The following LRBA variants were observed in gnomAD, a reference collection of about 807,000 sequenced individuals.
LRBA encodes LPS responsive beige-like anchor protein.
Under a neutral mutation model 330.0 loss-of-function variants are expected in LRBA, and 176 were observed. The observed-to-expected ratio is 0.53, with a 90% CI of 0.47 to 0.60. The LOEUF (loss-of-function observed/expected upper bound fraction) is 0.60. Ranked by LOEUF, LRBA falls within the 20% of genes least tolerant of loss-of-function variation. The probability of loss-of-function intolerance (pLI) is 0.00; values close to 1 mark genes in which losing one functional copy is unlikely to be tolerated. For synonymous variants in LRBA, 1,230 were observed against 1,193.0 expected, an observed-to-expected ratio of 1.03 and a Z score of -0.64; for missense variants, 3,259 against 3,444.8, an observed-to-expected ratio of 0.95 and a Z score of 1.35.
At position 150,817,115 on chromosome 4, in the gene LRBA, C is replaced by T. The variant is rs375870356; in HGVS notation, c.5305+9G>A. On this transcript the variant is annotated intron_variant, in intron 31 of 56. Coordinates refer to ENST00000651943, the MANE Select transcript of LRBA (RefSeq NM_001364905.1). Reference sequence around the variant, plus strand: ...ACATTTTTGTTGAAATCACTGATAACTAACTCACCTGGTGATTCTCCTCCC... The same window carrying T: ...ACATTTTTGTTGAAATCACTGATAATTAACTCACCTGGTGATTCTCCTCCC... The T allele has an allele frequency of 4.0e-5, 65 of 1,609,154 alleles. No individual in the cohort carries two copies. The highest frequency in any genetic ancestry group is 6.7e-5 in the African/African-American group (5 of 74,682).
At chr4:150,390,782 G>A (rs182775221) in intron 47 of LRBA, among the ~76,000 whole-genome samples, 1 of 152,202 alleles carries the variant, frequency 6.6e-6, no homozygotes, top group Non-Finnish European at 1.5e-5. Context: ...AGCAAAGGAT[G>A]ACACAGAAAA....
intron 34 of LRBA, among the ~76,000 whole-genome samples, chr4:150,791,710 T>C (rs977004593): frequency 4.6e-5 from 7 of 152,128 alleles, no homozygotes; most frequent in Non-Finnish European, 8.8e-5. Flanking sequence ...GATTTCCTTA[T>C]AGGTGAAAGA....
At chr4:150,481,917 T>G (rs1757344886) in intron 42 of LRBA, among the ~76,000 whole-genome samples, 1 of 152,168 alleles carries the variant, frequency 6.6e-6, no homozygotes, top group South Asian at 2.1e-4. Context: ...TGAATATGTA[T>G]GTTTTCATTA....
intron 48 of LRBA, among the ~76,000 whole-genome samples, chr4:150,342,403 A>G (rs550026456): frequency 6.6e-6 from 1 of 152,332 alleles, no homozygotes; most frequent in East Asian, 1.9e-4. Flanking sequence ...GAGTAAACAG[A>G]TAAAGATAAG....
intron 35 of LRBA, among the ~76,000 whole-genome samples, chr4:150,753,556 C>T (rs953984430): frequency 6.6e-6 from 1 of 152,094 alleles, no homozygotes; most frequent in Non-Finnish European, 1.5e-5. Context: ...AACATCTATA[C>T]AAACATAAGC....
chr4:150,727,841 G>T (rs1277321156), intron 36 of LRBA, among the ~76,000 whole-genome samples: 2 of 152,016 alleles, frequency 1.3e-5, no homozygotes, highest in Admixed American at 6.6e-5. Flanking sequence ...CTCAAAATTA[G>T]TAGAAGAAAA....
At chr4:150,579,819 C>A (rs1241518227) in intron 40 of LRBA, 1 of 434,634 alleles carries the variant, frequency 2.3e-6, no homozygotes, top group Admixed American at 2.5e-5. Flanking sequence ...TGCAAACACT[C>A]ACTCTCGGGA....
chr4:150,956,162 C>T (rs1737529517), intron 2 of LRBA, among the ~76,000 whole-genome samples: 1 of 148,814 alleles, frequency 6.7e-6, no homozygotes. Flanking sequence ...AAAGAGAAGA[C>T]TCAAATTACT....
rs77911994 is a variant in LRBA, at chr4:150,862,230, G to C, written c.2766+5441C>G. On this transcript the variant is annotated intron_variant, in intron 22 of 56. Transcript: ENST00000651943. ...ATGCTGTTATAAAGCACATGCACAC[G>C]TATGTTTATTGCAGCACTATTCACA... Among the ~76,000 whole-genome samples the C allele has an allele frequency of 9.2e-3, 1,396 of 152,278 alleles. 36 individuals carry two copies. The highest frequency in any genetic ancestry group is 0.089 in the East Asian group (460 of 5,182).
Position 150,415,506 on chromosome 4 carries a change from C to T in LRBA, c.7126G>A (p.Val2376Ile), listed in dbSNP as rs1747609046. ...GGAGGAAGTTCGACATCAGACACTA[C>T]TGTCCCATCATCCATCACTCCAAGA... Reference protein sequence around the residue: ...YNLGVMDDGTVVSDVELPPWA... With the variant: ...YNLGVMDDGTIVSDVELPPWA... The change falls in exon 47 of 57, where the codon GTA (valine) becomes ATA (isoleucine). Residue 2376 changes from valine to isoleucine, a missense_variant. By Grantham distance (29) the Val-to-Ile change is conservative (BLOSUM62 3). Coordinates refer to ENST00000651943, the MANE Select transcript of LRBA (RefSeq NM_001364905.1). The T allele has an allele frequency of 1.2e-6, 2 of 1,609,782 alleles. No individual in the cohort carries two copies. Among genetic ancestry groups the T allele is most frequent in the Non-Finnish European group, 8.5e-7 (1 of 1,176,098 alleles).
intron 40 of LRBA, among the ~76,000 whole-genome samples, chr4:150,518,351 A>T (rs1762578519): frequency 6.6e-6 from 1 of 152,174 alleles, no homozygotes; most frequent in South Asian, 2.1e-4. Context: ...AATGGTGCAC[A>T]ATATAAAACA....
intron 46 of LRBA, among the ~76,000 whole-genome samples, chr4:150,418,019 GTTTT>G (rs201449584): frequency 7.6e-6 from 1 of 132,338 alleles, no homozygotes; most frequent in Admixed American, 7.6e-5. Flanking sequence ...TTGGTTTTTT[GTTTT>G]TTTTTTTTTT....
intron 47 of LRBA, among the ~76,000 whole-genome samples, chr4:150,377,970 C>CAAAA (rs5862918): frequency 7.6e-6 from 1 of 131,020 alleles, no homozygotes; most frequent in Non-Finnish European, 1.6e-5. Context: ...GACTCTGTCT[C>CAAAA]AAAAAAAAAA....
At chr4:150,307,943 T>C (rs1730573095) in intron 52 of LRBA, among the ~76,000 whole-genome samples, 1 of 152,218 alleles carries the variant, frequency 6.6e-6, no homozygotes, top group African/African-American at 2.4e-5. Context: ...CAATTCCATA[T>C]AACAAACAAT....
chr4:150,399,635 G>T (rs560809320), intron 47 of LRBA, among the ~76,000 whole-genome samples: 14 of 152,244 alleles, frequency 9.2e-5, no homozygotes, highest in African/African-American at 3.4e-4. Flanking sequence ...GGCGGACTCT[G>T]TTGGCGTGGT....
intron 37 of LRBA, among the ~76,000 whole-genome samples, chr4:150,650,525 T>C (rs1466963563): frequency 6.6e-6 from 1 of 152,038 alleles, no homozygotes; most frequent in African/African-American, 2.4e-5. Flanking sequence ...AACTCAAAAC[T>C]GAAAAGCATT....
At chr4:150,445,373 C>T (rs1284227763) in intron 44 of LRBA, among the ~76,000 whole-genome samples, 1 of 83,984 alleles carries the variant, frequency 1.2e-5, no homozygotes, top group Non-Finnish European at 2.4e-5. Context: ...CTCTCTCTCT[C>T]TCTCTATATA....
chr4:150,525,447 TG>T (rs1763361264), intron 40 of LRBA, among the ~76,000 whole-genome samples: 1 of 152,136 alleles, frequency 6.6e-6, no homozygotes, highest in Non-Finnish European at 1.5e-5. Flanking sequence ...TGTCTGTGTG[TG>T]GGAAAATGGG....
intron 47 of LRBA, among the ~76,000 whole-genome samples, chr4:150,384,614 C>T (rs770508989): frequency 6.6e-6 from 1 of 151,950 alleles, no homozygotes; most frequent in African/African-American, 2.4e-5. Flanking sequence ...CAGGGAATTA[C>T]GATGAGAAGG....
Sources: allele counts gnomAD v4.1 joint callset (sites outside exome capture counted in the v4.1 genomes callset), GRCh38; gene constraint gnomAD v4.1.1; transcripts MANE v1.5; gene names NCBI Gene and HGNC (gene_info 2026-07-23, HGNC 2026-07-21).